Variants in AEBP2 observed in about 807,000 individuals in gnomAD.
AEBP2 encodes the protein AE binding protein 2, also known as zinc finger protein AEBP2.
In AEBP2, 10 loss-of-function variants were observed where a neutral mutation model predicts 50.8. That is an observed-to-expected ratio of 0.20 (90% confidence interval 0.12 to 0.33). The LOEUF (loss-of-function observed/expected upper bound fraction) is 0.33, where lower values mean the gene tolerates loss of function less well. Among genes scored for constraint, AEBP2 ranks in the 10% least tolerant of loss-of-function variants. The pLI is 1.00. For missense variants in AEBP2, 570 were observed against 688.0 expected, an observed-to-expected ratio of 0.83 and a Z score of 1.92; for synonymous variants, 296 against 261.3, an observed-to-expected ratio of 1.13 and a Z score of -1.28.
intron 1 of AEBP2, among the ~76,000 whole-genome samples, chr12:19,418,220 G>C (rs1330635502): frequency 6.7e-6 from 1 of 148,154 alleles, no homozygotes; most frequent in East Asian, 1.9e-4. Context: ...ATTGATTACA[G>C]GTCTTTATTT....
chr12:19,487,229 C>G (rs995447174), intron 3 of AEBP2, among the ~76,000 whole-genome samples: 2 of 151,976 alleles, frequency 1.3e-5, no homozygotes, highest in Admixed American at 1.3e-4. Flanking sequence ...TTATCCTTCT[C>G]CCTGTTTCTA....
rs1947903366 is a variant in AEBP2, at chr12:19,439,643, G to A, written c.-57G>A. 1 of 1,499,654 alleles carries A rather than the reference G, an allele frequency of 6.7e-7. No homozygotes were observed. The highest frequency in any genetic ancestry group is 1.2e-5 in the South Asian group (1 of 80,440). 92.9% of individuals were successfully genotyped at this position (1,499,654 alleles called of 1,614,324 possible). A position where few individuals can be genotyped will look rare whatever the true frequency, so the allele number is the denominator to read the frequency against. On this transcript the variant is annotated 5_prime_UTR_variant, in exon 1 of 8. Transcript: ENST00000266508. Reference sequence around the variant, plus strand: ...TTGGGAGGGGGGCGAGGGAGAGAGAGTCGAGAGAGGGAGGCGGCGGTGGGG... The same window carrying A: ...TTGGGAGGGGGGCGAGGGAGAGAGAATCGAGAGAGGGAGGCGGCGGTGGGG...
chr12:19,475,295 CTAATTA>C (rs138786917), intron 3 of AEBP2, among the ~76,000 whole-genome samples: 3,237 of 151,870 alleles, frequency 0.021, 37 homozygotes, highest in East Asian at 0.043. Flanking sequence ...AGCTTAGCTC[CTAATTA>C]TAAGTGAGAA....
At chr12:19,462,062 T>G (rs1948389002) in intron 1 of AEBP2, among the ~76,000 whole-genome samples, 1 of 152,218 alleles carries the variant, frequency 6.6e-6, no homozygotes, top group Admixed American at 6.6e-5. Context: ...TATTTTCAGA[T>G]TAATGAATAG....
At chr12:19,410,118 C>A (rs1292445444) in intron 1 of AEBP2, among the ~76,000 whole-genome samples, 1 of 152,174 alleles carries the variant, frequency 6.6e-6, no homozygotes, top group Non-Finnish European at 1.5e-5. Context: ...GACCCTCTCT[C>A]ACTCTAAGAT....
At chr12:19,408,962 AT>A (rs930564473) in intron 1 of AEBP2, among the ~76,000 whole-genome samples, 9 of 151,520 alleles carry the variant, frequency 5.9e-5, no homozygotes, top group Non-Finnish European at 7.4e-5. Flanking sequence ...AGCAAAAAAA[AT>A]TTTTTTTTGT....
intron 5 of AEBP2, among the ~76,000 whole-genome samples, chr12:19,510,375 GA>G (rs1345163789): frequency 1.3e-5 from 2 of 152,216 alleles, no homozygotes; most frequent in African/African-American, 4.8e-5. Context: ...GGGCAACGCA[GA>G]AAAGGTGATA....
intron 1 of AEBP2, among the ~76,000 whole-genome samples, chr12:19,442,264 C>T (rs1311042967): frequency 6.6e-6 from 1 of 152,022 alleles, no homozygotes; most frequent in Non-Finnish European, 1.5e-5. Flanking sequence ...AAAAATTACC[C>T]GAGAGTGGTG....
chr12:19,479,717 G>GTTTTTTTTTTTTTTTTTTTTT lies in AEBP2; in HGVS notation c.987+6373_987+6393dup, dbSNP rs369410408. 7.2e-4 allele frequency among the ~76,000 whole-genome samples: 16 copies of GTTTTTTTTTTTTTTTTTTTTT among 22,344 alleles called. 2 individuals are homozygous for GTTTTTTTTTTTTTTTTTTTTT. Among genetic ancestry groups the GTTTTTTTTTTTTTTTTTTTTT allele is most frequent in the Non-Finnish European group, 9.1e-4 (10 of 11,048 alleles). 14.7% of individuals were successfully genotyped at this position (22,344 alleles called of 152,430 possible). On this transcript the variant is annotated intron_variant, in intron 3 of 7. Transcript: ENST00000266508. ...ATTATTTAATGTCACCTCTTTGTGG[G>GTTTTTTTTTTTTTTTTTTTTT]TTTTTTTTTTTTTTTTTTTTTTTTT... is the stretch of plus-strand genomic sequence containing the variant.
At chr12:19,515,571 C>G (rs1259250798) in intron 7 of AEBP2, among the ~76,000 whole-genome samples, 4 of 152,138 alleles carry the variant, frequency 2.6e-5, no homozygotes, top group Admixed American at 1.3e-4. Flanking sequence ...AAAAGGCACT[C>G]TTATTGAAAG....
At chr12:19,445,777 A>G (rs1296373221) in intron 1 of AEBP2, among the ~76,000 whole-genome samples, 2 of 152,238 alleles carry the variant, frequency 1.3e-5, no homozygotes, top group Admixed American at 6.5e-5. Context: ...CAGCATGTAC[A>G]TTTTAATCAG....
chr12:19,417,106 C>G (rs1384754288), intron 1 of AEBP2, among the ~76,000 whole-genome samples: 1 of 150,386 alleles, frequency 6.6e-6, no homozygotes, highest in African/African-American at 2.4e-5. Flanking sequence ...CTCCTGATCT[C>G]ATGATCCGGC....
At position 19,439,807 on chromosome 12, in the gene AEBP2, C is replaced by A; in HGVS notation, c.108C>A (p.Pro36=). 6.6e-7 allele frequency: 1 copy of A among 1,510,598 alleles called. No homozygotes were observed. The highest frequency in any genetic ancestry group is 2.7e-5 in the East Asian group (1 of 37,120). The allele number at this position is 1,510,598 out of a possible 1,614,324, so 93.6% of individuals were successfully genotyped here. A position where few individuals can be genotyped will look rare whatever the true frequency, so the allele number is the denominator to read the frequency against. Residue 36 remains proline, a synonymous_variant, in exon 1 of 8, where the codon CCC becomes CCA. Transcript: ENST00000266508. ...GSAARGRAEP[P]EEEEEEEEEE... The stretch of plus-strand genomic sequence containing the variant: ...CGGCGCGGGGCCGGGCTGAGCCCCC[C>A]GAGGAGGAGGAGGAAGAGGAGGAGG...
intron 3 of AEBP2, among the ~76,000 whole-genome samples, chr12:19,482,578 G>T (rs976041934): frequency 6.6e-6 from 1 of 152,210 alleles, no homozygotes; most frequent in Non-Finnish European, 1.5e-5. Flanking sequence ...ACCAGTTGCA[G>T]TAGTAGTTAA....
At position 19,514,652 on chromosome 12, in the gene AEBP2, C is replaced by T; in HGVS notation, c.1368-19C>T. On this transcript the variant is annotated intron_variant, in intron 6 of 7. Coordinates refer to ENST00000266508, the MANE Select transcript of AEBP2 (RefSeq NM_153207.5). ...AAAATTAATGTTACTTTATTATTGA[C>T]TTGTTTTTTAATTCATAGTCTGCCT... 6.5e-7 allele frequency: 1 copy of T among 1,540,752 alleles called. No individual in the cohort carries two copies. Among genetic ancestry groups the T allele is most frequent in the Non-Finnish European group, 8.8e-7 (1 of 1,131,420 alleles).
intron 3 of AEBP2, among the ~76,000 whole-genome samples, chr12:19,478,273 A>G (rs1948679697): frequency 6.6e-6 from 1 of 152,028 alleles, no homozygotes; most frequent in Admixed American, 6.6e-5. Flanking sequence ...GTATGACCTT[A>G]GATTGCCTAT....
intron 1 of AEBP2, among the ~76,000 whole-genome samples, chr12:19,441,265 C>T (rs1188520582): frequency 1.3e-5 from 2 of 151,912 alleles, no homozygotes; most frequent in Admixed American, 6.6e-5. Context: ...GACAAAAATG[C>T]GCATTTTTTC....
In AEBP2 at chr12:19,463,899, C is replaced by A. The variant is rs1463053197; in HGVS notation, c.879+1182C>A. On this transcript the variant is annotated intron_variant, in intron 2 of 7. Coordinates refer to ENST00000266508, the MANE Select transcript of AEBP2 (RefSeq NM_153207.5). Reference sequence around the variant, plus strand: ...CAGGCTGGTCTCGAACTCCTGAACTCAGTTGATCCGCCCACCTCGGCCTCC... The same window carrying A: ...CAGGCTGGTCTCGAACTCCTGAACTAAGTTGATCCGCCCACCTCGGCCTCC... Among the ~76,000 whole-genome samples the A allele has an allele frequency of 2.6e-5, 4 of 152,250 alleles. No individual in the cohort carries two copies. In the South Asian group the frequency reaches 6.2e-4, roughly 24 times the overall value.
intron 3 of AEBP2, among the ~76,000 whole-genome samples, chr12:19,490,054 C>T (rs1193519909): frequency 8.0e-6 from 1 of 125,212 alleles, no homozygotes; most frequent in African/African-American, 3.1e-5. Flanking sequence ...CCTTTTTTGC[C>T]CAGGCTAGTC....
Sources: gnomAD v4.1 joint callset for allele counts (sites outside exome capture counted in the v4.1 genomes callset) on GRCh38, gnomAD v4.1.1 for gene constraint, MANE v1.5 for transcripts, NCBI Gene and HGNC (gene_info 2026-07-23, HGNC 2026-07-21) for gene names.